The following SORCS3 variants were observed in gnomAD, a reference collection of about 807,000 sequenced individuals.
The protein encoded by SORCS3 is VPS10 domain-containing receptor SorCS3.
A neutral mutation model predicts 146.3 loss-of-function variants in SORCS3; 57 were observed. The observed-to-expected ratio is 0.39, with a 90% CI of 0.31 to 0.49. The LOEUF is 0.49. Ranked by LOEUF, SORCS3 falls within the 20% of genes least tolerant of loss-of-function variation. The probability of loss-of-function intolerance (pLI) is 0.92; values close to 1 mark genes in which losing one functional copy is unlikely to be tolerated. For missense variants in SORCS3, 1,341 were observed against 1,575.5 expected, an observed-to-expected ratio of 0.85 and a Z score of 2.52; for synonymous variants, 653 against 618.5, an observed-to-expected ratio of 1.06 and a Z score of -0.83.
At chr10:104,930,696 C>T (rs780476646) in intron 3 of SORCS3, among the ~76,000 whole-genome samples, 4 of 152,172 alleles carry the variant, frequency 2.6e-5, no homozygotes, top group Non-Finnish European at 5.9e-5. Flanking sequence ...CCCCATAGGG[C>T]AGGGGCTGGC....
At chr10:104,750,288 T>C (rs1443444172) in intron 1 of SORCS3, among the ~76,000 whole-genome samples, 1 of 152,124 alleles carries the variant, frequency 6.6e-6, no homozygotes, top group Non-Finnish European at 1.5e-5. Context: ...CACAGACTTA[T>C]TAGGTAGAAA....
chr10:105,243,955 G>A (rs975724229), intron 20 of SORCS3, among the ~76,000 whole-genome samples: 1 of 152,126 alleles, frequency 6.6e-6, no homozygotes, highest in Non-Finnish European at 1.5e-5. Flanking sequence ...TGGGTATGTT[G>A]TGAAGGACTG....
chr10:105,177,944 A>G lies in SORCS3; in HGVS notation c.1902-122A>G, dbSNP rs879063986. 8 of 695,974 alleles carry G rather than the reference A, an allele frequency of 1.1e-5. No homozygotes were observed. The Admixed American group carries it at 1.9e-4, about 17-fold the overall frequency. The allele number at this position is 695,974 out of a possible 1,614,324, so 43.1% of individuals were successfully genotyped here. Reference sequence around the variant, plus strand: ...GGGGAGATGTTGAAGATTAAAACCTATTGATAATCCACACTGCCAGAAAGC... The same window carrying G: ...GGGGAGATGTTGAAGATTAAAACCTGTTGATAATCCACACTGCCAGAAAGC... On this transcript the variant is annotated intron_variant, in intron 13 of 26. Coordinates refer to ENST00000369701, the MANE Select transcript of SORCS3 (RefSeq NM_014978.3).
chr10:104,800,734 G>A (rs1361686624), intron 1 of SORCS3, among the ~76,000 whole-genome samples: 1 of 152,220 alleles, frequency 6.6e-6, no homozygotes, highest in Non-Finnish European at 1.5e-5. Context: ...AAATATGGGT[G>A]GAGTGAGAAA....
At chr10:105,121,264 A>G (rs995354194) in intron 7 of SORCS3, among the ~76,000 whole-genome samples, 1 of 152,242 alleles carries the variant, frequency 6.6e-6, no homozygotes. Flanking sequence ...CAATTATTTC[A>G]CATCAAATTT....
In SORCS3 at chr10:105,264,996, A is replaced by T. The variant is rs988920266; in HGVS notation, c.*1622A>T. ...GATATAGAGAAATCTGGCTGGCTAC[A>T]GTGTAGATCAGTATTAGGAATATTT... On this transcript the variant is annotated 3_prime_UTR_variant, in exon 27 of 27. Transcript: ENST00000369701. 3.3e-5 allele frequency: 5 copies of T among 152,618 alleles called. No individual in the cohort carries two copies. Among genetic ancestry groups the T allele is most frequent in the African/African-American group, 7.2e-5 (3 of 41,430 alleles). 9.5% of individuals were successfully genotyped at this position (152,618 alleles called of 1,614,324 possible). A position where few individuals can be genotyped will look rare whatever the true frequency, so the allele number is the denominator to read the frequency against.
intron 1 of SORCS3, among the ~76,000 whole-genome samples, chr10:104,840,964 T>C (rs1157112327): frequency 6.6e-6 from 1 of 152,186 alleles, no homozygotes; most frequent in Non-Finnish European, 1.5e-5. Flanking sequence ...GGCCTGCACA[T>C]AGCCTCCCAT....
intron 13 of SORCS3, among the ~76,000 whole-genome samples, chr10:105,177,420 C>T (rs1589674044): frequency 6.6e-6 from 1 of 152,170 alleles, no homozygotes; most frequent in South Asian, 2.1e-4. Flanking sequence ...GAAACAAGCA[C>T]TCAGAATTGG....
intron 1 of SORCS3, among the ~76,000 whole-genome samples, chr10:104,736,047 A>T (rs1030273078): frequency 7.9e-5 from 12 of 152,130 alleles, no homozygotes; most frequent in African/African-American, 2.7e-4. Flanking sequence ...ATCTCGGCTC[A>T]TCCCCCTTGG....
chr10:105,240,947 A>AAT (rs570834491), intron 20 of SORCS3, among the ~76,000 whole-genome samples: 10 of 143,620 alleles, frequency 7.0e-5, no homozygotes, highest in South Asian at 2.5e-4. Flanking sequence ...CACTGAAAAA[A>AAT]ATATATATAT....
At chr10:104,857,409 G>A (rs930513052) in intron 2 of SORCS3, among the ~76,000 whole-genome samples, 2 of 152,094 alleles carry the variant, frequency 1.3e-5, no homozygotes, top group East Asian at 3.8e-4. Context: ...GGGAGAAATT[G>A]TAAGCAAGGA....
chr10:104,664,811 G>A (rs1385267571), intron 1 of SORCS3: 1 of 152,462 alleles, frequency 6.6e-6, no homozygotes, highest in East Asian at 1.9e-4. Context: ...AACCCCTCAT[G>A]TGGTGGAAGA....
Position 105,056,161 on chromosome 10 carries a change from C to A in SORCS3, c.1028+13033C>A, listed in dbSNP as rs565545235. Among the ~76,000 whole-genome samples the A allele has an allele frequency of 3.3e-5, 5 of 152,282 alleles. No individual in the cohort carries two copies. The South Asian group carries it at 1.0e-3, about 32-fold the overall frequency. On this transcript the variant is annotated intron_variant, in intron 5 of 26. Transcript: ENST00000369701. Reference sequence around the variant, plus strand: ...AAACAGATCCTTCTGGAAGGAAGAACAATTGGATCAAAGCTGAGGTCATAT... The same window carrying A: ...AAACAGATCCTTCTGGAAGGAAGAAAAATTGGATCAAAGCTGAGGTCATAT...
intron 7 of SORCS3, among the ~76,000 whole-genome samples, chr10:105,138,352 G>C (rs2056072727): frequency 6.6e-6 from 1 of 152,176 alleles, no homozygotes; most frequent in South Asian, 2.1e-4. Flanking sequence ...GGTGGCTTCA[G>C]TAGAGAAGTT....
At chr10:105,182,340 A>T (rs1295212548) in intron 14 of SORCS3, among the ~76,000 whole-genome samples, 2 of 147,466 alleles carry the variant, frequency 1.4e-5, no homozygotes, top group East Asian at 2.1e-4. Flanking sequence ...GATTGGCATC[A>T]TTGGGCAGAT....
intron 14 of SORCS3, among the ~76,000 whole-genome samples, chr10:105,193,238 C>T (rs1004616567): frequency 3.9e-5 from 6 of 152,146 alleles, no homozygotes; most frequent in African/African-American, 1.4e-4. Context: ...AGGGACAGAG[C>T]ATTTGCTGCA....
intron 1 of SORCS3, 111 bp from the exon 2 acceptor site, chr10:104,842,681 C>T (rs531728173): frequency 1.3e-6 from 1 of 797,508 alleles, no homozygotes; most frequent in South Asian, 1.6e-5. Flanking sequence ...ATACTAAGCC[C>T]TCCTCTGGGT....
intron 1 of SORCS3, among the ~76,000 whole-genome samples, chr10:104,761,787 CCTGTAA>C (rs1262830754): frequency 6.6e-6 from 1 of 152,040 alleles, no homozygotes; most frequent in African/African-American, 2.4e-5. Flanking sequence ...TTAGGTACTG[CCTGTAA>C]AGCGTTGACA....
chr10:104,801,840 G>A (rs909445374), intron 1 of SORCS3, among the ~76,000 whole-genome samples: 1 of 152,184 alleles, frequency 6.6e-6, no homozygotes, highest in African/African-American at 2.4e-5. Flanking sequence ...CTTCAGATCT[G>A]TTAAAAAATT....
Sources: gnomAD v4.1 joint callset for allele counts (sites outside exome capture counted in the v4.1 genomes callset) on GRCh38, gnomAD v4.1.1 for gene constraint, MANE v1.5 for transcripts, NCBI Gene and HGNC (gene_info 2026-07-23, HGNC 2026-07-21) for gene names.